DLG2: variants seen among roughly 807,000 people sequenced by gnomAD.
The protein encoded by DLG2 is disks large homolog 2.
Under a neutral mutation model 132.5 loss-of-function variants are expected in DLG2, and 45 were observed. The ratio of observed to expected loss-of-function variants is 0.34; its 90% CI spans 0.27 to 0.44. The LOEUF (loss-of-function observed/expected upper bound fraction) is 0.44, where lower values mean the gene tolerates loss of function less well. DLG2 is among the 20% of genes least tolerant of loss of function. DLG2 has a pLI of 1.00. For synonymous variants in DLG2, 424 were observed against 419.6 expected, an observed-to-expected ratio of 1.01 and a Z score of -0.13; for missense variants, 1,045 against 1,196.9, an observed-to-expected ratio of 0.87 and a Z score of 1.87.
chr11:85,110,257 GA>G (rs568400982), intron 6 of DLG2, among the ~76,000 whole-genome samples: 1,656 of 149,588 alleles, frequency 0.011, 16 homozygotes, highest in Admixed American at 0.018. Context: ...CCAAAAATAC[GA>G]AAAAAAAAAT....
At chr11:85,178,278 T>A (rs1273092095) in intron 4 of DLG2, among the ~76,000 whole-genome samples, 1 of 152,052 alleles carries the variant, frequency 6.6e-6, no homozygotes, top group East Asian at 1.9e-4. Flanking sequence ...AATTGCTCTT[T>A]AACCACACCC....
chr11:85,513,244 T>C (rs2094112185), intron 3 of DLG2, among the ~76,000 whole-genome samples: 3 of 151,880 alleles, frequency 2.0e-5, no homozygotes, highest in African/African-American at 7.3e-5. Flanking sequence ...TATTGGGTAA[T>C]ACGTTCAATT....
intron 8 of DLG2, 56 bp downstream of exon 8, chr11:84,251,182 G>T: frequency 9.4e-7 from 1 of 1,062,904 alleles, no homozygotes; most frequent in South Asian, 1.7e-5. Context: ...TTTAAATTCA[G>T]CCAATTAAGT....
intron 17 of DLG2, among the ~76,000 whole-genome samples, chr11:83,806,437 T>C (rs1443864532): frequency 6.6e-6 from 1 of 152,178 alleles, no homozygotes; most frequent in Non-Finnish European, 1.5e-5. Context: ...ATGTCTAGGA[T>C]AGTGCCTGGT....
chr11:83,697,658 T>C (rs752839442), intron 18 of DLG2, among the ~76,000 whole-genome samples: 8 of 152,148 alleles, frequency 5.3e-5, no homozygotes, highest in Non-Finnish European at 1.2e-4. Context: ...GAAAAAGTTA[T>C]GTCTTCGGGG....
chr11:83,793,818 T>A (rs1375096910), intron 17 of DLG2, among the ~76,000 whole-genome samples: 2 of 152,236 alleles, frequency 1.3e-5, no homozygotes, highest in Non-Finnish European at 2.9e-5. Context: ...AGAGCTGTGA[T>A]TATAAGTGAT....
intron 6 of DLG2, among the ~76,000 whole-genome samples, chr11:84,620,917 GC>G (rs1396462746): frequency 2.6e-5 from 4 of 152,202 alleles, no homozygotes; most frequent in Admixed American, 2.0e-4. Context: ...GTTTGCAGTA[GC>G]AAAAATTGGA....
chr11:84,897,205 A>G (rs2090322350), intron 6 of DLG2, among the ~76,000 whole-genome samples: 1 of 151,800 alleles, frequency 6.6e-6, no homozygotes. Flanking sequence ...AACTTTATGT[A>G]AATAGAATCA....
At chr11:84,182,947 G>T (rs1285235263) in intron 8 of DLG2, among the ~76,000 whole-genome samples, 1 of 152,098 alleles carries the variant, frequency 6.6e-6, no homozygotes, top group African/African-American at 2.4e-5. Context: ...GATAATAAGA[G>T]AATATACTGA....
chr11:85,499,750 G>C (rs1286814193), intron 3 of DLG2, among the ~76,000 whole-genome samples: 1 of 152,136 alleles, frequency 6.6e-6, no homozygotes, highest in East Asian at 1.9e-4. Context: ...TATCCACCAT[G>C]ATCACGTCTG....
chr11:84,967,948 G>A (rs1453406471), intron 6 of DLG2, among the ~76,000 whole-genome samples: 1 of 151,866 alleles, frequency 6.6e-6, no homozygotes, highest in Non-Finnish European at 1.5e-5. Context: ...GTATTTCAGT[G>A]GAATAACCTA....
chr11:83,889,881 A>G (rs2069190019), intron 15 of DLG2, among the ~76,000 whole-genome samples: 2 of 147,274 alleles, frequency 1.4e-5, no homozygotes, highest in East Asian at 2.0e-4. Context: ...AATACCGCAT[A>G]TTCTCACTCA....
chr11:85,414,897 CAT>C (rs1446002535), intron 3 of DLG2, among the ~76,000 whole-genome samples: 1 of 152,016 alleles, frequency 6.6e-6, no homozygotes, highest in African/African-American at 2.4e-5. Flanking sequence ...TTCTGGGAGA[CAT>C]GTGCAGAACG....
At chr11:85,479,055 C>A (rs533539943) in intron 3 of DLG2, among the ~76,000 whole-genome samples, 1 of 152,206 alleles carries the variant, frequency 6.6e-6, no homozygotes, top group South Asian at 2.1e-4. Flanking sequence ...TAATTTTCTG[C>A]ATCAAAAACC....
At chr11:84,229,036 T>C (rs2097052007) in intron 8 of DLG2, among the ~76,000 whole-genome samples, 1 of 152,166 alleles carries the variant, frequency 6.6e-6, no homozygotes, top group Non-Finnish European at 1.5e-5. Flanking sequence ...TGCTATATCA[T>C]ATGTACTCTA....
chr11:83,998,521 C>T lies in DLG2; in HGVS notation c.920-17879G>A, dbSNP rs938858316. ...AAGGAAGCAAGGCATCCTGCTTGAC[C>T]AGGATCAGCTGGGAGATGAGAGACT... is the stretch of plus-strand genomic sequence containing the variant. On this transcript the variant is annotated intron_variant, in intron 11 of 27. Transcript: ENST00000376104. 9.9e-5 allele frequency among the ~76,000 whole-genome samples: 15 copies of T among 152,150 alleles called. 1 individual carries two copies. The highest frequency in any genetic ancestry group is 3.4e-4 in the African/African-American group (14 of 41,434).
rs1190087770 is a variant in DLG2, at chr11:83,820,349, GT to G, written c.1722+13264del. ...AGGCTTGGTTTCTTCATAAAAAGTTGTTATTATAATAATACCATCCCCTGCC... is the reference window on the plus strand; with the variant it reads ...AGGCTTGGTTTCTTCATAAAAAGTTGTATTATAATAATACCATCCCCTGCC... On this transcript the variant is annotated intron_variant, in intron 17 of 27. Coordinates refer to ENST00000376104, the MANE Select transcript of DLG2 (RefSeq NM_001142699.3). Among the ~76,000 whole-genome samples the G allele has an allele frequency of 3.9e-5, 6 of 152,170 alleles. No individual in the cohort carries two copies. In the East Asian group the frequency reaches 1.2e-3, roughly 29 times the overall value.
intron 6 of DLG2, chr11:84,545,329 C>G (rs553047896): frequency 8.7e-5 from 45 of 515,624 alleles, no homozygotes; most frequent in Non-Finnish European, 1.4e-4. Flanking sequence ...TCCTTCACCT[C>G]TAAAACTGCT....
At chr11:83,912,598 A>G (rs921566374) in intron 15 of DLG2, among the ~76,000 whole-genome samples, 1 of 152,132 alleles carries the variant, frequency 6.6e-6, no homozygotes, top group African/African-American at 2.4e-5. Flanking sequence ...CGTTAACATA[A>G]TATCTACTAT....
Sources: gnomAD v4.1 joint callset for allele counts (sites outside exome capture counted in the v4.1 genomes callset) on GRCh38, gnomAD v4.1.1 for gene constraint, MANE v1.5 for transcripts, NCBI Gene and HGNC (gene_info 2026-07-23, HGNC 2026-07-21) for gene names.